POLR2B: variants seen among roughly 807,000 people sequenced by gnomAD.
POLR2B encodes RNA polymerase II subunit B, also known as DNA-directed RNA polymerase II subunit RPB2.
In POLR2B, 57 loss-of-function variants were observed where a neutral mutation model predicts 144.6. The observed-to-expected ratio is 0.39, with a 90% confidence interval of 0.32 to 0.49. The LOEUF is 0.49. Ranked by LOEUF, POLR2B falls within the 20% of genes least tolerant of loss-of-function variation. POLR2B has a pLI of 0.83. For synonymous variants in POLR2B, 442 were observed against 469.8 expected (o/e 0.94, Z 0.77); for missense variants, 595 against 1,467.4 (o/e 0.41, Z 9.71).
intron 14 of POLR2B, among the ~76,000 whole-genome samples, chr4:57,016,211 T>C (rs1262676025): frequency 6.6e-6 from 1 of 152,192 alleles, no homozygotes; most frequent in East Asian, 1.9e-4. Context: ...TTAACTTCTA[T>C]TATGAAGCAA....
At chr4:56,990,368 G>A (rs1367018926) in intron 2 of POLR2B, among the ~76,000 whole-genome samples, 3 of 152,108 alleles carry the variant, frequency 2.0e-5, no homozygotes, top group African/African-American at 7.2e-5. Flanking sequence ...TGGGACTATA[G>A]GCACATGCCA....
chr4:56,999,312 A>G (rs1722784871), intron 6 of POLR2B, among the ~76,000 whole-genome samples: 1 of 145,744 alleles, frequency 6.9e-6, no homozygotes, highest in Non-Finnish European at 1.5e-5. Context: ...CAGTATTCAT[A>G]TTTTTTTGCA....
At chr4:57,008,990 G>T (rs1212747259) in intron 10 of POLR2B, among the ~76,000 whole-genome samples, 3 of 139,852 alleles carry the variant, frequency 2.1e-5, no homozygotes, top group Non-Finnish European at 4.6e-5. Context: ...CTTTTGGACA[G>T]ATTCACAGTA....
In POLR2B at chr4:57,031,153, A is replaced by G. The variant is rs1210082857; in HGVS notation, c.*165A>G. On this transcript the variant is annotated 3_prime_UTR_variant, in exon 25 of 25. Transcript: ENST00000314595. ...GTAAATATATAATAAATTTTTGTAGATAGTCTTGATGTGTGATCTTTATTT... is the reference window on the plus strand; with the variant it reads ...GTAAATATATAATAAATTTTTGTAGGTAGTCTTGATGTGTGATCTTTATTT... The G allele has an allele frequency of 1.4e-6, 1 of 725,356 alleles. No individual in the cohort carries two copies. The highest frequency in any genetic ancestry group is 1.8e-5 in the African/African-American group (1 of 55,742). 44.9% of individuals were successfully genotyped at this position (725,356 alleles called of 1,614,324 possible). A position where few individuals can be genotyped will look rare whatever the true frequency, so the allele number is the denominator to read the frequency against.
chr4:57,001,735 T>C (rs1722861114), intron 7 of POLR2B, among the ~76,000 whole-genome samples: 2 of 152,190 alleles, frequency 1.3e-5, no homozygotes, highest in Admixed American at 6.5e-5. Flanking sequence ...AGGTTACTAT[T>C]TTTGTGGGAA....
At position 57,017,540 on chromosome 4, in the gene POLR2B, CT is replaced by C; in HGVS notation, c.2155-16del. The C allele has an allele frequency of 6.4e-7, 1 of 1,556,762 alleles. No individual in the cohort carries two copies. ...TGATAGTAACTTTTTGTTGTTTCTG[CT>C]TTTCATTTTTACGTTTAGTCCCCTA... On this transcript the variant is annotated intron_variant, in intron 15 of 24. Transcript: ENST00000314595. This position sits in a 1 kb window ranked among gnomAD's most constrained non-coding sequence, Gnocchi z 4.8.
At chr4:56,994,930 G>GAAAA (rs41560115) in intron 5 of POLR2B, 64 bp downstream of exon 5, 2 of 729,218 alleles carry the variant, frequency 2.7e-6, no homozygotes, top group African/African-American at 2.0e-5. Flanking sequence ...AAGTTGAAAT[G>GAAAA]AAAAAAAAAA....
chr4:56,991,966 CA>C (rs1310630294), intron 3 of POLR2B, among the ~76,000 whole-genome samples: 4 of 152,082 alleles, frequency 2.6e-5, no homozygotes, highest in African/African-American at 9.7e-5. Context: ...CTTGTTGGGT[CA>C]TTTTTTCTTC....
At chr4:57,028,850 A>G (rs917761664) in intron 23 of POLR2B, among the ~76,000 whole-genome samples, 1 of 152,208 alleles carries the variant, frequency 6.6e-6, no homozygotes, top group Non-Finnish European at 1.5e-5. Context: ...TGATTATCAC[A>G]TAAGTTTTTT....
Position 57,005,354 on chromosome 4 carries a change from A to T in POLR2B, c.1009A>T (p.Lys337Ter). 1 of 1,610,142 alleles carries T rather than the reference A, an allele frequency of 6.2e-7. No homozygotes were observed. Among genetic ancestry groups the T allele is most frequent in the Non-Finnish European group, 8.5e-7 (1 of 1,178,500 alleles). ...TGGTGTTACTAAAGAGAAAAGAATT[A>T]AATATGCAAAGGAAGTTTTACAAAA... Reference protein sequence around the residue: ...KPGVTKEKRIKYAKEVLQKEM... With the variant: ...KPGVTKEKRI Residue 337 changes from lysine (K) to a stop codon, truncating the protein, a stop_gained, in exon 8 of 25, where the codon AAA (lysine) becomes TAA (stop). Coordinates refer to ENST00000314595, the MANE Select transcript of POLR2B (RefSeq NM_000938.3). LOFTEE classifies it high-confidence loss of function.
chr4:57,025,350 A>G (rs1045558094), intron 22 of POLR2B, 27 bp from the exon 23 acceptor site: 8 of 1,581,000 alleles, frequency 5.1e-6, no homozygotes, highest in East Asian at 2.2e-5. Context: ...TTTTAGGTCT[A>G]CACTTCAAAA....
In POLR2B at chr4:57,017,327, A is replaced by G; in HGVS notation, c.2154+86A>G. Reference sequence around the variant, plus strand: ...TAACTCTGTAGTCTTATCTGGAGGGAAAAAGCCTTTTAATGAAAAGGCTAT... The same window carrying G: ...TAACTCTGTAGTCTTATCTGGAGGGGAAAAGCCTTTTAATGAAAAGGCTAT... On this transcript the variant is annotated intron_variant, in intron 15 of 24. Transcript: ENST00000314595. The surrounding 1 kb of genome is among the most constrained non-coding windows in gnomAD (Gnocchi z 4.8). 1.0e-6 allele frequency: 1 copy of G among 1,003,956 alleles called. No individual in the cohort carries two copies. The allele number at this position is 1,003,956 out of a possible 1,614,324, so 62.2% of individuals were successfully genotyped here.
At chr4:56,993,467 C>G (rs1027431971) in intron 3 of POLR2B, among the ~76,000 whole-genome samples, 1 of 152,114 alleles carries the variant, frequency 6.6e-6, no homozygotes, top group Non-Finnish European at 1.5e-5. Flanking sequence ...TTCTCTTTGC[C>G]CTTTATCCAG....
At chr4:57,025,964 CA>C in intron 23 of POLR2B, among the ~76,000 whole-genome samples, 1 of 151,980 alleles carries the variant, frequency 6.6e-6, no homozygotes, top group East Asian at 1.9e-4. Context: ...AGGCTAGGCG[CA>C]ATGGCTCATG....
Position 57,022,167 on chromosome 4 carries a change from C to A in POLR2B, c.2436C>A (p.Arg812=). 1 of 1,607,430 alleles carries A rather than the reference C, an allele frequency of 6.2e-7. No homozygotes were observed. The highest frequency in any genetic ancestry group is 8.5e-7 in the Non-Finnish European group (1 of 1,174,622). The part of the protein sequence containing the change: ...DRGFFRSVFY[R]SYKEQESKKG... The stretch of plus-strand genomic sequence containing the variant: ...GTGTTTTTAGGTCTGTTTTCTATCG[C>A]TCATACAAAGAACAGGAGTCTAAAA... Residue 812 remains arginine, a synonymous_variant, in exon 18 of 25, where the codon CGC becomes CGA. Transcript: ENST00000314595.
intron 7 of POLR2B, among the ~76,000 whole-genome samples, 176 bp downstream of exon 7, chr4:56,999,957 C>G (rs918427801): frequency 6.6e-6 from 1 of 152,132 alleles, no homozygotes; most frequent in African/African-American, 2.4e-5. Flanking sequence ...TCTTTTCTGA[C>G]AGTTTGTTGT....
chr4:56,980,813 C>CT lies in POLR2B; in HGVS notation c.19+1822dup, dbSNP rs750717935. ...AGAGGTTCTTATCACTCCACAGTTT[C>CT]TTTTTTTTTTTTTGATGGTCTTGCT... On this transcript the variant is annotated intron_variant, in intron 1 of 24. Transcript: ENST00000314595. 1.9e-3 allele frequency among the ~76,000 whole-genome samples: 267 copies of CT among 143,638 alleles called. 1 individual carries two copies. Among genetic ancestry groups the CT allele is most frequent in the Middle Eastern group, 0.011 (3 of 274 alleles). 94.2% of individuals were successfully genotyped at this position (143,638 alleles called of 152,430 possible). A position where few individuals can be genotyped will look rare whatever the true frequency, so the allele number is the denominator to read the frequency against.
At chr4:57,028,346 C>T (rs1723790923) in intron 23 of POLR2B, among the ~76,000 whole-genome samples, 3 of 152,076 alleles carry the variant, frequency 2.0e-5, no homozygotes, top group Admixed American at 2.0e-4. Context: ...GTTGCTCTGG[C>T]TGGTCTTGAA....
chr4:57,021,196 A>C (rs1045508019), intron 17 of POLR2B, among the ~76,000 whole-genome samples: 2 of 152,224 alleles, frequency 1.3e-5, no homozygotes, highest in Admixed American at 6.5e-5. Flanking sequence ...TCTTTTGGTA[A>C]GGAAATATAC....
Sources: gnomAD v4.1 joint callset for allele counts (sites outside exome capture counted in the v4.1 genomes callset) on GRCh38, gnomAD v4.1.1 for gene constraint, Gnocchi (gnomAD v3.1) non-coding constraint, MANE v1.5 for transcripts, NCBI Gene and HGNC (gene_info 2026-07-23, HGNC 2026-07-21) for gene names.